The following GRID2 variants were observed in gnomAD, a reference collection of about 807,000 sequenced individuals.
The protein encoded by GRID2 is glutamate receptor ionotropic, delta-2.
GRID2 carries 33 observed loss-of-function variants against 114.8 expected under a neutral mutation model. The ratio of observed to expected loss-of-function variants is 0.29; its 90% CI spans 0.22 to 0.38. The LOEUF (loss-of-function observed/expected upper bound fraction) is 0.38. Ranked by LOEUF, GRID2 falls within the 10% of genes least tolerant of loss-of-function variation. The probability of loss-of-function intolerance (pLI) is 1.00; values close to 1 mark genes in which losing one functional copy is unlikely to be tolerated. For synonymous variants in GRID2, 505 were observed against 449.9 expected (o/e 1.12, Z -1.55); for missense variants, 1,184 against 1,257.7 (o/e 0.94, Z 0.89).
At chr4:93,042,392 A>G (rs1356888604) in intron 2 of GRID2, among the ~76,000 whole-genome samples, 1 of 148,194 alleles carries the variant, frequency 6.7e-6, no homozygotes, top group East Asian at 2.0e-4. Flanking sequence ...ATATATGTGT[A>G]TATATACATA....
At chr4:93,732,146 A>T (rs925604714) in intron 14 of GRID2, among the ~76,000 whole-genome samples, 64 of 152,348 alleles carry the variant, frequency 4.2e-4, no homozygotes, top group African/African-American at 1.5e-3. Flanking sequence ...CATAGGAGAA[A>T]GCTAACATGC....
chr4:92,766,477 C>T (rs1319635182), intron 2 of GRID2, among the ~76,000 whole-genome samples: 5 of 135,796 alleles, frequency 3.7e-5, no homozygotes, highest in Non-Finnish European at 6.1e-5. Flanking sequence ...GTGGAGCTTG[C>T]GGTGAGCCGA....
intron 4 of GRID2, among the ~76,000 whole-genome samples, chr4:93,162,025 A>G (rs1270628316): frequency 6.6e-6 from 1 of 151,842 alleles, no homozygotes; most frequent in Non-Finnish European, 1.5e-5. Context: ...CATTTCCAGA[A>G]AAGCCTTGAA....
intron 2 of GRID2, among the ~76,000 whole-genome samples, chr4:92,649,397 G>T (rs1428968998): frequency 6.6e-6 from 1 of 150,890 alleles, no homozygotes; most frequent in Non-Finnish European, 1.5e-5. Context: ...CAGGAGAAAT[G>T]ATAGAATTTG....
intron 8 of GRID2, among the ~76,000 whole-genome samples, chr4:93,330,871 A>G (rs1031178576): frequency 6.6e-6 from 1 of 152,094 alleles, no homozygotes; most frequent in Non-Finnish European, 1.5e-5. Flanking sequence ...GAGGATCCAG[A>G]CAAGGTAGTG....
At chr4:93,659,495 CAAAT>C (rs972114565) in intron 14 of GRID2, among the ~76,000 whole-genome samples, 1 of 152,046 alleles carries the variant, frequency 6.6e-6, no homozygotes, top group African/African-American at 2.4e-5. Context: ...TTCAATTTGA[CAAAT>C]AAAAAGTTCT....
chr4:93,746,487 T>C (rs1015763148), intron 14 of GRID2, among the ~76,000 whole-genome samples: 2 of 152,044 alleles, frequency 1.3e-5, no homozygotes, highest in African/African-American at 2.4e-5. Context: ...CCAATATAGA[T>C]TGTTTTTTCC....
chr4:92,869,993 C>A (rs934499551), intron 2 of GRID2, among the ~76,000 whole-genome samples: 2 of 151,722 alleles, frequency 1.3e-5, no homozygotes, highest in Admixed American at 1.3e-4. Context: ...GAATTCAAGA[C>A]CAGCCTGAGC....
chr4:92,590,304 T>A lies in GRID2; in HGVS notation c.244+18T>A. On this transcript the variant is annotated intron_variant, in intron 2 of 15. Coordinates refer to ENST00000282020, the MANE Select transcript of GRID2 (RefSeq NM_001510.4). ...TCAAGAAGGTAAGGTCATCAGTATT[T>A]ATTTTGGTTTTTTGGTTCAATTCAA... The A allele has an allele frequency of 6.3e-7, 1 of 1,581,808 alleles. No homozygotes were observed. The highest frequency in any genetic ancestry group is 1.7e-4 in the Middle Eastern group (1 of 5,912).
intron 2 of GRID2, among the ~76,000 whole-genome samples, chr4:93,038,828 G>A (rs1725199058): frequency 6.6e-6 from 1 of 151,860 alleles, no homozygotes; most frequent in Admixed American, 6.6e-5. Context: ...ACAGATACTG[G>A]AGAGGATGTG....
At chr4:93,472,840 G>T (rs980057743) in intron 11 of GRID2, among the ~76,000 whole-genome samples, 4 of 152,086 alleles carry the variant, frequency 2.6e-5, no homozygotes, top group African/African-American at 9.7e-5. Flanking sequence ...TGATTTGAAG[G>T]TTATGAGACT....
intron 1 of GRID2, among the ~76,000 whole-genome samples, chr4:92,545,924 C>A (rs1206848882): frequency 6.6e-6 from 1 of 152,096 alleles, no homozygotes; most frequent in Non-Finnish European, 1.5e-5. Flanking sequence ...GCACTGTTCC[C>A]AAATTTATTT....
At chr4:92,386,920 C>T (rs1729989043) in intron 1 of GRID2, among the ~76,000 whole-genome samples, 1 of 151,860 alleles carries the variant, frequency 6.6e-6, no homozygotes, top group Admixed American at 6.6e-5. Flanking sequence ...TTCTATATAT[C>T]AGTCATTAAT....
chr4:93,138,373 T>C (rs569052714), intron 4 of GRID2, among the ~76,000 whole-genome samples: 19 of 152,216 alleles, frequency 1.2e-4, no homozygotes, highest in Non-Finnish European at 2.5e-4. Context: ...TACATGCTTA[T>C]ATTATGCCCC....
At chr4:93,496,672 A>G (rs765652082) in intron 12 of GRID2, among the ~76,000 whole-genome samples, 10 of 151,838 alleles carry the variant, frequency 6.6e-5, no homozygotes, top group Non-Finnish European at 1.5e-4. Flanking sequence ...TCAGCATAAT[A>G]TCCTTGAGAT....
intron 2 of GRID2, among the ~76,000 whole-genome samples, chr4:92,755,676 A>T (rs1737680073): frequency 6.6e-6 from 1 of 152,206 alleles, no homozygotes; most frequent in African/African-American, 2.4e-5. Flanking sequence ...GGCAGTATGG[A>T]TAAAACAGAG....
intron 2 of GRID2, among the ~76,000 whole-genome samples, chr4:92,630,351 T>C (rs907434609): frequency 1.3e-5 from 2 of 152,158 alleles, no homozygotes; most frequent in African/African-American, 4.8e-5. Flanking sequence ...CAACTTCTTA[T>C]ATCTCAGTTA....
intron 2 of GRID2, among the ~76,000 whole-genome samples, chr4:92,620,397 A>T (rs1044243087): frequency 1.3e-5 from 2 of 151,812 alleles, no homozygotes; most frequent in African/African-American, 4.8e-5. Context: ...AAGGGAAAAA[A>T]GTAAGCTACT....
intron 8 of GRID2, among the ~76,000 whole-genome samples, chr4:93,346,509 T>C (rs1192191516): frequency 6.6e-6 from 1 of 152,188 alleles, no homozygotes; most frequent in East Asian, 1.9e-4. Context: ...TCCACACTGA[T>C]TGTAGCCCAA....
Sources: gnomAD v4.1 joint callset for allele counts (sites outside exome capture counted in the v4.1 genomes callset) on GRCh38, gnomAD v4.1.1 for gene constraint, MANE v1.5 for transcripts, NCBI Gene and HGNC (gene_info 2026-07-23, HGNC 2026-07-21) for gene names.